Variants in SGCZ observed in about 807,000 individuals in gnomAD.
SGCZ encodes the protein sarcoglycan zeta.
Under a neutral mutation model 41.3 loss-of-function variants are expected in SGCZ, and 40 were observed. That is an observed-to-expected ratio of 0.97 (90% CI 0.75 to 1.26). SGCZ has a LOEUF of 1.26. SGCZ is among the 50% of genes most tolerant of loss of function. The pLI, the probability that SGCZ is intolerant of heterozygous loss-of-function variation, is 0.00. For synonymous variants in SGCZ, 206 were observed against 137.5 expected, an observed-to-expected ratio of 1.50 and a Z score of -3.49; for missense variants, 552 against 369.8, an observed-to-expected ratio of 1.49 and a Z score of -4.04.
chr8:14,556,953 G>A lies in SGCZ; in HGVS notation c.40-2027C>T, dbSNP rs373336439. On this transcript the variant is annotated intron_variant, in intron 1 of 7. Transcript: ENST00000382080. ...TTTTACTCTGGGTAGGTACTCAGTAGTGGGATTGCTAGATCAAATGGTAGT... is the reference window on the plus strand; with the variant it reads ...TTTTACTCTGGGTAGGTACTCAGTAATGGGATTGCTAGATCAAATGGTAGT... Among the ~76,000 whole-genome samples the A allele has an allele frequency of 5.3e-5, 8 of 152,156 alleles. No individual in the cohort carries two copies. The East Asian group carries it at 9.7e-4, about 18-fold the overall frequency.
intron 1 of SGCZ, among the ~76,000 whole-genome samples, chr8:14,845,833 G>C (rs1174039503): frequency 1.3e-5 from 2 of 152,052 alleles, no homozygotes; most frequent in African/African-American, 4.8e-5. Context: ...TAAAAAGTCA[G>C]ATATAATTAT....
intron 2 of SGCZ, among the ~76,000 whole-genome samples, chr8:14,477,127 T>G (rs1214734594): frequency 1.3e-5 from 2 of 152,214 alleles, no homozygotes; most frequent in Non-Finnish European, 1.5e-5. Context: ...TCTATGTGTC[T>G]TTTCATTTTT....
chr8:14,775,844 G>A (rs1424070476), intron 1 of SGCZ, among the ~76,000 whole-genome samples: 1 of 152,120 alleles, frequency 6.6e-6, no homozygotes, highest in East Asian at 1.9e-4. Context: ...AGTGCAAACA[G>A]AACATCTTTA....
intron 4 of SGCZ, among the ~76,000 whole-genome samples, chr8:14,188,246 A>T (rs1047722065): frequency 6.6e-6 from 1 of 152,210 alleles, no homozygotes; most frequent in Non-Finnish European, 1.5e-5. Flanking sequence ...TACACAAAGA[A>T]CCTAGTAAAG....
chr8:14,541,376 G>A (rs553767690), intron 2 of SGCZ, among the ~76,000 whole-genome samples: 8 of 151,890 alleles, frequency 5.3e-5, no homozygotes, highest in East Asian at 2.0e-4. Flanking sequence ...GTTCAGCTCC[G>A]AGTGAGAACA....
chr8:14,190,664 G>A (rs757062634), intron 4 of SGCZ, among the ~76,000 whole-genome samples: 30 of 151,846 alleles, frequency 2.0e-4, no homozygotes, highest in Admixed American at 5.9e-4. Flanking sequence ...GTGCAGTGAC[G>A]CGATCTCGGC....
intron 3 of SGCZ, among the ~76,000 whole-genome samples, chr8:14,289,338 C>T (rs1800760407): frequency 6.6e-6 from 1 of 151,614 alleles, no homozygotes; most frequent in African/African-American, 2.4e-5. Context: ...TCTAAGAAAC[C>T]ATTGTCAAAT....
rs75534629 is a variant in SGCZ, at chr8:15,008,958, C to T, written c.39+228627G>A. Among the ~76,000 whole-genome samples, 1,098 of 152,230 alleles carry T rather than the reference C, an allele frequency of 7.2e-3. 14 individuals are homozygous for T. Among genetic ancestry groups the T allele is most frequent in the African/African-American group, 0.025 (1,054 of 41,540 alleles). On this transcript the variant is annotated intron_variant, in intron 1 of 7. Coordinates refer to ENST00000382080, the MANE Select transcript of SGCZ (RefSeq NM_139167.4). ...TAACATACACAAACACACATGCACA[C>T]ACAAGTGCACACAATACTAGGTTAT...
chr8:14,953,913 G>A (rs532656557), intron 1 of SGCZ, among the ~76,000 whole-genome samples: 2 of 152,230 alleles, frequency 1.3e-5, no homozygotes, highest in African/African-American at 4.8e-5. Flanking sequence ...AGCATTTACA[G>A]GAGATACTGG....
intron 1 of SGCZ, among the ~76,000 whole-genome samples, chr8:14,768,637 G>T (rs1800121677): frequency 6.6e-6 from 1 of 152,102 alleles, no homozygotes; most frequent in African/African-American, 2.4e-5. Flanking sequence ...GAACTAAGCT[G>T]CACGTAGTCA....
intron 3 of SGCZ, among the ~76,000 whole-genome samples, chr8:14,241,168 C>T (rs1585268489): frequency 6.6e-6 from 1 of 151,980 alleles, no homozygotes; most frequent in South Asian, 2.1e-4. Context: ...CTCCATTCCA[C>T]TGTCTGATTT....
intron 5 of SGCZ, among the ~76,000 whole-genome samples, chr8:14,120,311 A>G (rs955396435): frequency 5.3e-5 from 8 of 152,188 alleles, no homozygotes; most frequent in Admixed American, 2.0e-4. Flanking sequence ...AAAGTTCATC[A>G]TGATTAACCA....
At chr8:15,139,020 G>A (rs561936944) in intron 1 of SGCZ, among the ~76,000 whole-genome samples, 2 of 151,996 alleles carry the variant, frequency 1.3e-5, no homozygotes, top group Non-Finnish European at 2.9e-5. Flanking sequence ...ATTTAAGCAT[G>A]CCCTAAGTTA....
rs543586918 is a variant in SGCZ, at chr8:14,547,793, T to C, written c.234+6939A>G. ...GGAGCCATAATGTGAATCAGGCTAT[T>C]TGCCTCCAAAGCTCGGGTCCAAAAC... On this transcript the variant is annotated intron_variant, in intron 2 of 7. Coordinates refer to ENST00000382080, the MANE Select transcript of SGCZ (RefSeq NM_139167.4). Among the ~76,000 whole-genome samples the C allele has an allele frequency of 8.5e-5, 13 of 152,278 alleles. No individual in the cohort carries two copies. The South Asian group carries it at 2.7e-3, about 32-fold the overall frequency.
chr8:14,547,598 GA>G (rs1481777453), intron 2 of SGCZ, among the ~76,000 whole-genome samples: 1 of 152,046 alleles, frequency 6.6e-6, no homozygotes, highest in Admixed American at 6.6e-5. Flanking sequence ...GGCATTAATT[GA>G]GTGTTTACTC....
At chr8:15,136,005 G>C (rs185180015) in intron 1 of SGCZ, among the ~76,000 whole-genome samples, 1 of 152,096 alleles carries the variant, frequency 6.6e-6, no homozygotes, top group Non-Finnish European at 1.5e-5. Context: ...CAGGTTATCG[G>C]GTCATTGCCA....
At chr8:15,223,957 T>C (rs531238501) in intron 1 of SGCZ, among the ~76,000 whole-genome samples, 181 of 152,186 alleles carry the variant, frequency 1.2e-3, no homozygotes, top group African/African-American at 4.1e-3. Flanking sequence ...TGGGTCCAAG[T>C]GATTCTCCTG....
chr8:14,769,380 T>C (rs1244532540), intron 1 of SGCZ, among the ~76,000 whole-genome samples: 1 of 152,170 alleles, frequency 6.6e-6, no homozygotes, highest in Non-Finnish European at 1.5e-5. Flanking sequence ...TAGAACAGAA[T>C]AATGAGGACA....
intron 2 of SGCZ, among the ~76,000 whole-genome samples, chr8:14,528,293 C>A (rs1296736525): frequency 1.3e-5 from 2 of 152,076 alleles, no homozygotes; most frequent in African/African-American, 4.8e-5. Flanking sequence ...ATGAATTATA[C>A]CATCTGGGAT....
Sources: allele counts gnomAD v4.1 joint callset (sites outside exome capture counted in the v4.1 genomes callset), GRCh38; gene constraint gnomAD v4.1.1; transcripts MANE v1.5; gene names NCBI Gene and HGNC (gene_info 2026-07-23, HGNC 2026-07-21).